Variants in PRKRA observed in about 807,000 individuals in gnomAD.
PRKRA encodes the protein protein activator of interferon induced protein kinase EIF2AK2, also known as interferon-inducible double-stranded RNA-dependent protein kinase activator A.
PRKRA carries 22 observed loss-of-function variants against 32.4 expected under a neutral mutation model. That is an observed-to-expected ratio of 0.68 (90% CI 0.49 to 0.97). The LOEUF (loss-of-function observed/expected upper bound fraction) is 0.97, where lower values mean the gene tolerates loss of function less well. Ranked by LOEUF, PRKRA falls within the 50% of genes least tolerant of loss-of-function variation. PRKRA has a pLI of 0.00. For missense variants in PRKRA, 319 were observed against 375.6 expected, an observed-to-expected ratio of 0.85 and a Z score of 1.25; for synonymous variants, 139 against 129.8, an observed-to-expected ratio of 1.07 and a Z score of -0.48.
At chr2:178,436,088 T>C in intron 7 of PRKRA, 57 bp downstream of exon 7, 1 of 1,480,124 alleles carries the variant, frequency 6.8e-7, no homozygotes, top group Non-Finnish European at 9.3e-7. Context: ...TTTTTGTTCC[T>C]CAAACACATT....
Position 178,450,227 on chromosome 2 carries a change from A to AT in PRKRA, c.235+14_235+15insA. 1.3e-6 allele frequency: 1 copy of AT among 783,652 alleles called. No individual in the cohort carries two copies. The highest frequency in any genetic ancestry group is 1.8e-5 in the South Asian group (1 of 54,632). The allele number at this position is 783,652 out of a possible 1,614,324, so 48.5% of individuals were successfully genotyped here. ...CCAACCCACTCGGTCATCCAGGTTA[A>AT]CTGTGTATACAGACCTGTGCAGGTT... On this transcript the variant is annotated intron_variant, in intron 2 of 7. Coordinates refer to ENST00000325748, the MANE Select transcript of PRKRA (RefSeq NM_003690.5).
At chr2:178,445,555 T>C (rs1157337072) in intron 3 of PRKRA, 1 of 154,554 alleles carries the variant, frequency 6.5e-6, no homozygotes, top group East Asian at 1.9e-4. Flanking sequence ...AGCACAAATA[T>C]AGTAAAGTTT....
chr2:178,446,901 G>C (rs964138492), intron 3 of PRKRA, among the ~76,000 whole-genome samples: 1 of 147,622 alleles, frequency 6.8e-6, no homozygotes, highest in Non-Finnish European at 1.5e-5. Context: ...GCTGAGGCAG[G>C]AGAATGGCGT....
At chr2:178,444,228 C>G (rs562902866) in intron 4 of PRKRA, among the ~76,000 whole-genome samples, 194 bp downstream of exon 4, 1 of 152,132 alleles carries the variant, frequency 6.6e-6, no homozygotes, top group African/African-American at 2.4e-5. Context: ...AAGGCAAATA[C>G]TGTATATGAA....
rs941367491 is a variant in PRKRA at position 178,432,235 on chromosome 2, T to C, written c.804A>G (p.Gly268=). Residue 268 remains glycine (G), a synonymous_variant, in exon 8 of 8, where the codon GGA becomes GGG. Transcript: ENST00000325748. ...ACAGTTCAGCAAGACATTGATATTG[T>C]CCATTGGCGCTCAGTTCATCTGTAA... The part of the protein sequence containing the change: ...YLDIDELSAN[G]QYQCLAELST... 20 of 1,614,116 alleles carry C rather than the reference T, an allele frequency of 1.2e-5. No homozygotes were observed. Among genetic ancestry groups the C allele is most frequent in the Non-Finnish European group, 1.5e-5 (18 of 1,180,050 alleles).
At chr2:178,448,272 A>T (rs1234832072) in intron 2 of PRKRA, among the ~76,000 whole-genome samples, 1 of 152,206 alleles carries the variant, frequency 6.6e-6, no homozygotes, top group Non-Finnish European at 1.5e-5. Context: ...GATAAATTCC[A>T]TCTTTTTCCT....
chr2:178,442,247 T>A (rs555176084), intron 5 of PRKRA, among the ~76,000 whole-genome samples: 1 of 152,238 alleles, frequency 6.6e-6, no homozygotes, highest in African/African-American at 2.4e-5. Context: ...TTAATAGTTA[T>A]GCTTTCTGTT....
In PRKRA at chr2:178,451,154, G is replaced by T. The variant is rs186454714; in HGVS notation, c.-124C>A. 9.9e-4 allele frequency: 1,155 copies of T among 1,170,898 alleles called. 1 individual carries two copies. The highest frequency in any genetic ancestry group is 1.3e-3 in the Non-Finnish European group (1,091 of 850,834). The allele number at this position is 1,170,898 out of a possible 1,614,324, so 72.5% of individuals were successfully genotyped here. ...ACCTCCTCCGACTCCCCCGCCTCCT[G>T]CTTGCGTTGCTCCAGCGAGGGGGCA... is the stretch of plus-strand genomic sequence containing the variant. On this transcript the variant is annotated 5_prime_UTR_variant, in exon 1 of 8. Transcript: ENST00000325748.
intron 7 of PRKRA, among the ~76,000 whole-genome samples, chr2:178,432,788 A>G (rs1696722543): frequency 6.6e-6 from 1 of 152,212 alleles, no homozygotes; most frequent in Non-Finnish European, 1.5e-5. Context: ...TAATTGATAC[A>G]TAATAATTGT....
rs200794293 is a variant in PRKRA, at chr2:178,450,371, T to G, written c.106A>C (p.Ile36Leu). Residue 36 changes from isoleucine to leucine, a missense_variant, in exon 2 of 8, where the codon ATT (isoleucine) becomes CTT (leucine). By Grantham distance (5) the Ile-to-Leu change is conservative (BLOSUM62 2). Transcript: ENST00000325748. ...MITAKPGKTP[I>L]QVLHEYGMKT... ...ATGCCGTATTCGTGTAATACCTGAA[T>G]CGGTGTTTTCCCTGGCTTAGCTGTT... 6.2e-7 allele frequency: 1 copy of G among 1,614,276 alleles called. No homozygotes were observed. The highest frequency in any genetic ancestry group is 2.2e-5 in the East Asian group (1 of 44,890).
Position 178,443,352 on chromosome 2 carries a change from A to G in PRKRA, c.429T>C (p.Pro143=). 1 of 1,613,000 alleles carries G rather than the reference A, an allele frequency of 6.2e-7. No homozygotes were observed. The highest frequency in any genetic ancestry group is 1.3e-5 in the African/African-American group (1 of 75,014). Residue 143 remains proline, a synonymous_variant, in exon 5 of 8, where the codon CCT becomes CCC. Transcript: ENST00000325748. ...CTCCCTCCTGGGAAAGGGTATATTC[A>G]GGAAGTCTCCAGCCATGATGAATAG... ...ELAIHHGWRL[P]EYTLSQEGGP...
At chr2:178,444,101 C>G in intron 4 of PRKRA, 1 of 257,528 alleles carries the variant, frequency 3.9e-6, no homozygotes, top group South Asian at 5.6e-5. Flanking sequence ...TCTTCTGTCT[C>G]AACAGAAGTA....
At chr2:178,447,408 C>G in intron 3 of PRKRA, 97 bp downstream of exon 3, 4 of 1,352,728 alleles carry the variant, frequency 3.0e-6, no homozygotes, top group Non-Finnish European at 3.9e-6. Flanking sequence ...ATGCTAACAA[C>G]TGTTCACTTT....
At chr2:178,435,896 A>C (rs1262723375) in intron 7 of PRKRA, among the ~76,000 whole-genome samples, 2 of 152,356 alleles carry the variant, frequency 1.3e-5, no homozygotes, top group Non-Finnish European at 2.9e-5. Context: ...TGTCTGGCAC[A>C]CAGTAAAACT....
chr2:178,443,556 A>G (rs1697199952), intron 4 of PRKRA, 172 bp from the exon 5 acceptor site: 2 of 561,826 alleles, frequency 3.6e-6, no homozygotes, highest in Non-Finnish European at 6.4e-6. Context: ...CCCGCATTTT[A>G]TATTTTTATA....
chr2:178,437,857 T>C (rs892486873), intron 6 of PRKRA, among the ~76,000 whole-genome samples: 2 of 152,220 alleles, frequency 1.3e-5, no homozygotes, highest in Non-Finnish European at 2.9e-5. Context: ...TTTTAACTGA[T>C]GCATAAGAGC....
chr2:178,442,372 A>G (rs1255494337), intron 5 of PRKRA, among the ~76,000 whole-genome samples: 2 of 152,090 alleles, frequency 1.3e-5, no homozygotes, highest in African/African-American at 4.8e-5. Flanking sequence ...CCTCTCTCTC[A>G]ATGTCTATTT....
intron 6 of PRKRA, chr2:178,440,205 T>C (rs997825497): frequency 2.6e-5 from 4 of 152,236 alleles, no homozygotes; most frequent in Non-Finnish European, 5.9e-5. Context: ...TGCAGTGTTT[T>C]ATATTTTTCT....
At chr2:178,448,761 T>C (rs1697417519) in intron 2 of PRKRA, among the ~76,000 whole-genome samples, 1 of 152,172 alleles carries the variant, frequency 6.6e-6, no homozygotes, top group African/African-American at 2.4e-5. Flanking sequence ...GGATAGTTAG[T>C]GGATTATTAA....
Sources: gnomAD v4.1 joint callset for allele counts (sites outside exome capture counted in the v4.1 genomes callset) on GRCh38, gnomAD v4.1.1 for gene constraint, MANE v1.5 for transcripts, NCBI Gene and HGNC (gene_info 2026-07-23, HGNC 2026-07-21) for gene names.